FANCB: variants seen among roughly 807,000 people sequenced by gnomAD.
FANCB encodes the protein FA complementation group B.
FANCB carries 5 observed loss-of-function variants against 38.9 expected under a neutral mutation model. The ratio of observed to expected loss-of-function variants is 0.13; its 90% confidence interval spans 0.07 to 0.27. The LOEUF is 0.27. FANCB is among the 10% of genes least tolerant of loss of function. FANCB has a pLI of 1.00. For missense variants in FANCB, 573 were observed against 602.7 expected, an observed-to-expected ratio of 0.95 and a Z score of 0.52; for synonymous variants, 236 against 215.4, an observed-to-expected ratio of 1.10 and a Z score of -0.84.
chrX:14,864,624 T>G lies in FANCB; in HGVS notation c.887A>C (p.Asn296Thr), dbSNP rs1377517941. The change falls in exon 3 of 10, where the codon AAC becomes ACC. Residue 296 changes from asparagine to threonine, a missense_variant. Asn to Thr is a moderately conservative substitution (Grantham distance 65, BLOSUM62 0). Coordinates refer to ENST00000650831, the MANE Select transcript of FANCB (RefSeq NM_001018113.3). ...AVQLMDSGGG[N>T]LFFVVSFISN... ...TATAAAGGATACAACGAAAAAGAGGTTTCCTCCACCTGAATCCATAAGTTG... is the reference window on the plus strand; with the variant it reads ...TATAAAGGATACAACGAAAAAGAGGGTTCCTCCACCTGAATCCATAAGTTG... 1 of 1,208,744 alleles carries G rather than the reference T, an allele frequency of 8.3e-7. No individual in the cohort carries two copies.
At chrX:14,753,496 C>T in the FANCB span, among the ~76,000 whole-genome samples, 1 of 112,254 alleles carries the variant, frequency 8.9e-6, no homozygotes, top group Admixed American at 9.5e-5. Flanking sequence ...TCTCATCTCT[C>T]ACTATTCCGT....
chrX:14,796,538 A>G, the FANCB span, among the ~76,000 whole-genome samples: 43 of 98,606 alleles, frequency 4.4e-4, no homozygotes, highest in Non-Finnish European at 5.6e-4. Flanking sequence ...TCTATTATAT[A>G]TGTTATATAT....
chrX:14,830,062 A>T, the FANCB span, among the ~76,000 whole-genome samples: 21 of 111,500 alleles, frequency 1.9e-4, no homozygotes, highest in African/African-American at 6.9e-4. Flanking sequence ...GCCTCACTTC[A>T]ATATTGATGT....
At chrX:14,701,447 C>T in the FANCB span, among the ~76,000 whole-genome samples, 2 of 111,351 alleles carry the variant, frequency 1.8e-5, no homozygotes, top group African/African-American at 6.5e-5. Flanking sequence ...GCCTAGCACC[C>T]CTCTGTGTAT....
the FANCB span, among the ~76,000 whole-genome samples, chrX:14,733,456 T>G: frequency 1.8e-5 from 2 of 112,234 alleles, no homozygotes; most frequent in Non-Finnish European, 3.8e-5. Flanking sequence ...TGAATTACTT[T>G]GGGCAGTATG....
the FANCB span, among the ~76,000 whole-genome samples, chrX:14,779,453 C>G: frequency 9.0e-6 from 1 of 111,513 alleles, no homozygotes; most frequent in South Asian, 3.8e-4. Context: ...GATTATTAAG[C>G]CATGAGGGCT....
chrX:14,809,741 C>A, the FANCB span, among the ~76,000 whole-genome samples: 1 of 112,895 alleles, frequency 8.9e-6, no homozygotes, highest in South Asian at 3.7e-4. Context: ...CAGGCTCCAC[C>A]TCTGGGGGCA....
In FANCB at chrX:14,865,238, G is replaced by A. The variant is rs768094187; in HGVS notation, c.273C>T (p.Leu91=). 2.6e-6 allele frequency: 3 copies of A among 1,150,185 alleles called. No individual in the cohort carries two copies. Among genetic ancestry groups the A allele is most frequent in the East Asian group, 3.0e-5 (1 of 33,398 alleles). 94.8% of individuals were successfully genotyped at this position (1,150,185 alleles called of 1,213,427 possible). The change falls in exon 3 of 10, where the codon CTC becomes CTT. Residue 91 remains leucine, a synonymous_variant. Transcript: ENST00000650831. The part of the protein sequence containing the change: ...CVSDFRTGIN[L]PYIVIEKNKK... ...TATTTTTTTCTATCACAATGTAAGGGAGGTTAATTCCAGTTCTGAAATCTG... is the reference window on the plus strand; with the variant it reads ...TATTTTTTTCTATCACAATGTAAGGAAGGTTAATTCCAGTTCTGAAATCTG...
the FANCB span, among the ~76,000 whole-genome samples, chrX:14,785,413 G>A: frequency 8.9e-6 from 1 of 112,083 alleles, no homozygotes; most frequent in Admixed American, 9.4e-5. Context: ...ACCTGCTATG[G>A]CAATTCTGCC....
chrX:14,805,132 A>G, the FANCB span, among the ~76,000 whole-genome samples: 2 of 111,063 alleles, frequency 1.8e-5, no homozygotes, highest in Admixed American at 1.9e-4. Flanking sequence ...CCTCCTTCTC[A>G]TGCTACTAGA....
chrX:14,764,348 C>T, the FANCB span, among the ~76,000 whole-genome samples: 2 of 111,358 alleles, frequency 1.8e-5, no homozygotes, highest in South Asian at 3.8e-4. Flanking sequence ...TATTCCATCT[C>T]GCAGGCCCTC....
chrX:14,697,624 GCTCT>G, the FANCB span, among the ~76,000 whole-genome samples: 1 of 111,467 alleles, frequency 9.0e-6, no homozygotes, highest in Non-Finnish European at 1.9e-5. Flanking sequence ...GACAGATGTT[GCTCT>G]CTATCAGTGA....
At chrX:14,691,050 A>G in the FANCB span, among the ~76,000 whole-genome samples, 2 of 112,190 alleles carry the variant, frequency 1.8e-5, no homozygotes, top group South Asian at 7.4e-4. Flanking sequence ...TTCAGCAAAT[A>G]AAAATACATA....
the FANCB span, among the ~76,000 whole-genome samples, chrX:14,765,013 G>C: frequency 8.9e-6 from 1 of 112,234 alleles, no homozygotes; most frequent in East Asian, 2.8e-4. Flanking sequence ...GATAAACAAT[G>C]AGTAATCGTT....
chrX:14,702,024 G>C, the FANCB span, among the ~76,000 whole-genome samples: 2 of 112,287 alleles, frequency 1.8e-5, no homozygotes, highest in Non-Finnish European at 3.8e-5. Flanking sequence ...GTGCCAGGGA[G>C]TTGAGCCTTT....
the FANCB span, among the ~76,000 whole-genome samples, chrX:14,756,731 C>T: frequency 8.9e-6 from 1 of 111,763 alleles, no homozygotes; most frequent in Non-Finnish European, 1.9e-5. Flanking sequence ...CTTCTCTCCA[C>T]GTTGCCTTTC....
At chrX:14,698,100 A>G in the FANCB span, among the ~76,000 whole-genome samples, 2 of 111,980 alleles carry the variant, frequency 1.8e-5, no homozygotes, top group Non-Finnish European at 3.8e-5. Context: ...AAGGTGAAGC[A>G]AATAGGGTGA....
At chrX:14,760,696 C>T in the FANCB span, among the ~76,000 whole-genome samples, 5 of 111,720 alleles carry the variant, frequency 4.5e-5, no homozygotes, top group South Asian at 3.7e-4. Context: ...CAGCCAGGTG[C>T]GGTGGCTCAT....
the FANCB span, among the ~76,000 whole-genome samples, chrX:14,797,691 A>AAAG: frequency 1.7e-4 from 18 of 103,324 alleles, no homozygotes; most frequent in African/African-American, 6.0e-4. Flanking sequence ...AAAAAAAAAA[A>AAAG]AGAGAGAGAG....
Sources: gnomAD v4.1 joint callset for allele counts (sites outside exome capture counted in the v4.1 genomes callset) on GRCh38, gnomAD v4.1.1 for gene constraint, MANE v1.5 for transcripts, NCBI Gene and HGNC (gene_info 2026-07-23, HGNC 2026-07-21) for gene names.